Variants in BPNT1 observed in about 807,000 individuals in gnomAD.
BPNT1 encodes 3'(2'), 5'-bisphosphate nucleotidase 1, also known as 3'(2'),5'-bisphosphate nucleotidase 1.
BPNT1 carries 28 observed loss-of-function variants against 36.9 expected under a neutral mutation model. The ratio of observed to expected loss-of-function variants is 0.76; its 90% CI spans 0.56 to 1.04. The LOEUF (loss-of-function observed/expected upper bound fraction) is 1.04, where lower values mean the gene tolerates loss of function less well. Ranked by LOEUF, BPNT1 falls within the 50% of genes least tolerant of loss-of-function variation. The probability of loss-of-function intolerance (pLI) is 0.00; values close to 1 mark genes in which losing one functional copy is unlikely to be tolerated. For synonymous variants in BPNT1, 119 were observed against 130.9 expected (o/e 0.91, Z 0.62); for missense variants, 313 against 372.9 (o/e 0.84, Z 1.32).
chr1:220,084,829 G>A (rs909448617), intron 1 of BPNT1, among the ~76,000 whole-genome samples: 4 of 152,058 alleles, frequency 2.6e-5, no homozygotes, highest in African/African-American at 9.7e-5. Flanking sequence ...ACATAAGAAT[G>A]GGAAAAATAA....
chr1:220,072,928 C>T lies in BPNT1; in HGVS notation c.255G>A (p.Glu85=). 4 of 1,614,118 alleles carry T rather than the reference C, an allele frequency of 2.5e-6. No homozygotes were observed. Among genetic ancestry groups the T allele is most frequent in the Non-Finnish European group, 3.4e-6 (4 of 1,179,982 alleles). ...EDLPSEEVDQ[E]LIEDSQWEEI... ...CTTCCCACTGACTGTCTTCAATCAGCTCTTGATCCACTTCCTCAGAAGGCA... is the reference window on the plus strand; with the variant it reads ...CTTCCCACTGACTGTCTTCAATCAGTTCTTGATCCACTTCCTCAGAAGGCA... Residue 85 remains glutamate, a synonymous_variant, in exon 4 of 9, where the codon GAG becomes GAA. Coordinates refer to ENST00000322067, the MANE Select transcript of BPNT1 (RefSeq NM_006085.6).
In BPNT1 at chr1:220,069,430, G is replaced by A. The variant is rs373649346; in HGVS notation, c.336C>T (p.Leu112=). ...SQYSAIKEED[L]VVWVDPLDGT... Reference sequence around the variant, plus strand: ...CATCCAGAGGATCAACCCAGACCACGAGCTAAAATTAAAAAGAGAGAAGGA... The same window carrying A: ...CATCCAGAGGATCAACCCAGACCACAAGCTAAAATTAAAAAGAGAGAAGGA... Residue 112 remains leucine (L), a splice_region_variant and synonymous_variant, in exon 5 of 9, where the codon CTC becomes CTT. Transcript: ENST00000322067. 9.4e-6 allele frequency: 15 copies of A among 1,599,084 alleles called. No individual in the cohort carries two copies. Among genetic ancestry groups the A allele is most frequent in the Admixed American group, 7.0e-5 (4 of 57,460 alleles).
intron 1 of BPNT1, among the ~76,000 whole-genome samples, chr1:220,087,701 C>T (rs1370644585): frequency 6.6e-6 from 1 of 151,936 alleles, no homozygotes; most frequent in East Asian, 1.9e-4. Context: ...TGTAAAAGAT[C>T]AGTATATAAA....
intron 1 of BPNT1, among the ~76,000 whole-genome samples, chr1:220,082,592 C>CT (rs911859133): frequency 1.7e-4 from 24 of 145,386 alleles, no homozygotes; most frequent in African/African-American, 4.3e-4. Context: ...CATCTTTTTT[C>CT]TTTTTTTTTT....
At chr1:220,078,322 T>C (rs1004101964) in intron 2 of BPNT1, among the ~76,000 whole-genome samples, 15 of 144,068 alleles carry the variant, frequency 1.0e-4, no homozygotes, top group African/African-American at 3.0e-4. Flanking sequence ...ATAATATATA[T>C]AACATATAAT....
chr1:220,062,390 G>A (rs947653628), intron 7 of BPNT1, among the ~76,000 whole-genome samples: 1 of 149,768 alleles, frequency 6.7e-6, no homozygotes, highest in Non-Finnish European at 1.5e-5. Context: ...GAGAACATGC[G>A]GTGTTTGGTT....
At chr1:220,068,744 A>C (rs1003548406) in intron 5 of BPNT1, among the ~76,000 whole-genome samples, 1 of 152,086 alleles carries the variant, frequency 6.6e-6, no homozygotes, top group African/African-American at 2.4e-5. Context: ...TGGGAGGCAG[A>C]GGTTGCAGTG....
chr1:220,062,762 T>G lies in BPNT1; in HGVS notation c.667A>C (p.Asn223His). ...DAVLRVGGAG[N>H]KIIQLIEGKA... ...ATGACAGACATTTTTCATACCTTAT[T>G]TCCTGCTCCTCCTACTCGCAGCACA... The change falls in exon 7 of 9, where the codon AAT becomes CAT. Residue 223 changes from asparagine to histidine, a missense_variant. Asn to His is a moderately conservative substitution (Grantham distance 68). Coordinates refer to ENST00000322067, the MANE Select transcript of BPNT1 (RefSeq NM_006085.6). 6.2e-7 allele frequency: 1 copy of G among 1,614,190 alleles called. No individual in the cohort carries two copies. Among genetic ancestry groups the G allele is most frequent in the Non-Finnish European group, 8.5e-7 (1 of 1,179,998 alleles).
intron 4 of BPNT1, among the ~76,000 whole-genome samples, chr1:220,070,129 T>TA (rs1558086301): frequency 1.3e-5 from 2 of 152,158 alleles, no homozygotes; most frequent in South Asian, 2.1e-4. Flanking sequence ...GTGCTGATTT[T>TA]AAAAAAACAA....
chr1:220,083,330 CTTTTTT>C (rs1019468605), intron 1 of BPNT1, among the ~76,000 whole-genome samples: 60 of 144,482 alleles, frequency 4.2e-4, no homozygotes, highest in South Asian at 2.2e-3. Flanking sequence ...ACGGGTTTCT[CTTTTTT>C]TTTTTTGAGA....
chr1:220,073,940 TA>T (rs1337871098), intron 3 of BPNT1, 26 bp downstream of exon 3: 1 of 1,596,296 alleles, frequency 6.3e-7, no homozygotes, highest in South Asian at 1.1e-5. Context: ...ACAGAGATTT[TA>T]AAAAAATGTC....
intron 6 of BPNT1, among the ~76,000 whole-genome samples, chr1:220,063,211 G>A (rs1002274150): frequency 2.0e-5 from 3 of 152,142 alleles, no homozygotes; most frequent in Admixed American, 2.0e-4. Flanking sequence ...AGCCGGGCAT[G>A]GTGGTGGGTG....
At chr1:220,075,865 T>A (rs1463587712) in intron 2 of BPNT1, among the ~76,000 whole-genome samples, 1 of 152,174 alleles carries the variant, frequency 6.6e-6, no homozygotes, top group East Asian at 1.9e-4. Flanking sequence ...TAGCATTACA[T>A]CTCTGTTCCT....
intron 6 of BPNT1, among the ~76,000 whole-genome samples, chr1:220,064,306 C>T (rs536864078): frequency 1.3e-5 from 2 of 152,252 alleles, no homozygotes; most frequent in South Asian, 4.1e-4. Context: ...TAGAGCAGTA[C>T]CCTGGGTGTT....
intron 1 of BPNT1, among the ~76,000 whole-genome samples, chr1:220,089,244 G>C (rs1049219652): frequency 6.6e-6 from 1 of 152,116 alleles, no homozygotes; most frequent in Admixed American, 6.6e-5. Flanking sequence ...TTGGCAAAGC[G>C]GTGAACCCTC....
chr1:220,085,150 T>C (rs1025323696), intron 1 of BPNT1, among the ~76,000 whole-genome samples: 2 of 152,184 alleles, frequency 1.3e-5, no homozygotes, highest in Non-Finnish European at 2.9e-5. Context: ...TTTAGCCTTT[T>C]TCATTATGCT....
At chr1:220,079,233 C>T (rs1292358617) in intron 2 of BPNT1, among the ~76,000 whole-genome samples, 4 of 151,654 alleles carry the variant, frequency 2.6e-5, no homozygotes, top group African/African-American at 4.8e-5. Context: ...AGATCTTGGA[C>T]GTAGAAAGTC....
At chr1:220,069,936 CAAAA>C (rs35431487) in intron 4 of BPNT1, among the ~76,000 whole-genome samples, 1 of 147,892 alleles carries the variant, frequency 6.8e-6, no homozygotes. Context: ...AACTCCATCT[CAAAA>C]AAAAAAAATA....
At chr1:220,062,277 A>G (rs796929378) in intron 7 of BPNT1, among the ~76,000 whole-genome samples, 5 of 142,394 alleles carry the variant, frequency 3.5e-5, no homozygotes, top group Non-Finnish European at 6.1e-5. Flanking sequence ...ATATCTCCCA[A>G]TGCTATCCCT....
Sources: allele counts gnomAD v4.1 joint callset (sites outside exome capture counted in the v4.1 genomes callset), GRCh38; gene constraint gnomAD v4.1.1; transcripts MANE v1.5; gene names NCBI Gene and HGNC (gene_info 2026-07-23, HGNC 2026-07-21).